ERICH5: variants seen among roughly 807,000 people sequenced by gnomAD.
ERICH5 encodes the protein glutamate rich 5, also known as glutamate-rich protein 5.
ERICH5 carries 24 observed loss-of-function variants against 28.0 expected under a neutral mutation model. The observed-to-expected ratio is 0.86, with a 90% CI of 0.62 to 1.21. The LOEUF is 1.21. Among genes scored for constraint, ERICH5 ranks in the 50% most tolerant of loss-of-function variants. ERICH5 has a pLI of 0.00. For synonymous variants in ERICH5, 163 were observed against 157.6 expected, an observed-to-expected ratio of 1.03 and a Z score of -0.25; for missense variants, 421 against 441.2, an observed-to-expected ratio of 0.95 and a Z score of 0.41.
chr8:98,092,984 C>T (rs1230667838), intron 2 of ERICH5, among the ~76,000 whole-genome samples: 1 of 152,044 alleles, frequency 6.6e-6, no homozygotes. Context: ...TTACTTTGGG[C>T]TAGGCTCCTG....
At chr8:98,092,455 C>A (rs1334518797) in intron 2 of ERICH5, among the ~76,000 whole-genome samples, 1 of 152,182 alleles carries the variant, frequency 6.6e-6, no homozygotes, top group African/African-American at 2.4e-5. Context: ...AGCCACCACG[C>A]CCAGCTGTCC....
chr8:98,080,459 A>C (rs1394592975), intron 1 of ERICH5, among the ~76,000 whole-genome samples: 2 of 152,220 alleles, frequency 1.3e-5, no homozygotes, highest in African/African-American at 4.8e-5. Context: ...GAATAAGCTG[A>C]GGGTTATGTA....
At chr8:98,067,130 C>T (rs1803130145) in intron 1 of ERICH5, among the ~76,000 whole-genome samples, 2 of 152,116 alleles carry the variant, frequency 1.3e-5, no homozygotes, top group Admixed American at 1.3e-4. Context: ...AGAATCAGAG[C>T]TGGGCTTTGA....
chr8:98,092,467 G>A lies in ERICH5; in HGVS notation c.1013-754G>A, dbSNP rs563545467. On this transcript the variant is annotated intron_variant, in intron 2 of 2. Coordinates refer to ENST00000318528, the MANE Select transcript of ERICH5 (RefSeq NM_173549.3). Reference sequence around the variant, plus strand: ...GTGAGCCACCACGCCCAGCTGTCCAGCTAATTTTTGAAAAATATTTTGTAA... The same window carrying A: ...GTGAGCCACCACGCCCAGCTGTCCAACTAATTTTTGAAAAATATTTTGTAA... Among the ~76,000 whole-genome samples the A allele has an allele frequency of 7.5e-4, 114 of 152,262 alleles. 2 individuals carry two copies. The South Asian group carries it at 0.023, about 30-fold the overall frequency.
chr8:98,088,305 C>CTCATGCAACTCTGAGA (rs1563758062), intron 1 of ERICH5, among the ~76,000 whole-genome samples: 1 of 152,140 alleles, frequency 6.6e-6, no homozygotes, highest in Admixed American at 6.5e-5. Flanking sequence ...ACTATCACGC[C>CTCATGCAACTCTGAGA]TCATGCAACT....
chr8:98,068,296 C>T (rs1814853540), intron 1 of ERICH5, among the ~76,000 whole-genome samples: 1 of 152,210 alleles, frequency 6.6e-6, no homozygotes, highest in Non-Finnish European at 1.5e-5. Context: ...CTTCCTATCA[C>T]CTCCCAAGAT....
At chr8:98,064,809 C>A in intron 1 of ERICH5, 82 bp downstream of exon 1, 1 of 1,131,152 alleles carries the variant, frequency 8.8e-7, no homozygotes, top group Non-Finnish European at 1.2e-6. Flanking sequence ...AGGGTGTGTC[C>A]CGTGGCCACC....
chr8:98,081,909 C>A (rs973872863), intron 1 of ERICH5, among the ~76,000 whole-genome samples: 2 of 148,184 alleles, frequency 1.3e-5, no homozygotes, highest in East Asian at 4.0e-4. Flanking sequence ...GCCTGGGCAA[C>A]AAGAATGAAA....
chr8:98,068,847 C>T (rs1180711698), intron 1 of ERICH5, among the ~76,000 whole-genome samples: 1 of 152,228 alleles, frequency 6.6e-6, no homozygotes, highest in African/African-American at 2.4e-5. Context: ...TTTCCACTGA[C>T]AGCTATAATC....
intron 1 of ERICH5, among the ~76,000 whole-genome samples, chr8:98,070,267 A>G (rs1420768988): frequency 6.6e-6 from 1 of 152,172 alleles, no homozygotes; most frequent in Non-Finnish European, 1.5e-5. Flanking sequence ...TCGAGCCTGT[A>G]ATCCCAGCTA....
At chr8:98,065,490 C>G (rs1310236647) in intron 1 of ERICH5, among the ~76,000 whole-genome samples, 1 of 152,160 alleles carries the variant, frequency 6.6e-6, no homozygotes, top group Non-Finnish European at 1.5e-5. Context: ...ATATAATACC[C>G]CAGTGCTTGG....
chr8:98,064,791 A>G lies in ERICH5; in HGVS notation c.58+64A>G, dbSNP rs910170844. The G allele has an allele frequency of 2.9e-6, 4 of 1,400,986 alleles. No homozygotes were observed. In the African/African-American group the frequency reaches 5.7e-5, roughly 20 times the overall value. 86.8% of individuals were successfully genotyped at this position (1,400,986 alleles called of 1,614,324 possible). On this transcript the variant is annotated intron_variant, in intron 1 of 2. Transcript: ENST00000318528. ...GACTCGGGTGGGCTAACTCCCCAGGAGGTCCAAAGGGTGTGTCCCGTGGCC... is the reference window on the plus strand; with the variant it reads ...GACTCGGGTGGGCTAACTCCCCAGGGGGTCCAAAGGGTGTGTCCCGTGGCC...
intron 1 of ERICH5, among the ~76,000 whole-genome samples, chr8:98,079,166 CTTTTT>C (rs528062932): frequency 2.4e-3 from 181 of 75,576 alleles, no homozygotes; most frequent in African/African-American, 8.4e-3. Flanking sequence ...TTTTTTTTTC[CTTTTT>C]TTTTTTTTTT....
Position 98,089,150 on chromosome 8 carries a change from G to A in ERICH5, c.133G>A (p.Gly45Arg). ...TGCCCAACCAAAGCCACATGCACTGGGAAGAGAATCTACTGTTGATGGCAA... is the reference window on the plus strand; with the variant it reads ...TGCCCAACCAAAGCCACATGCACTGAGAAGAGAATCTACTGTTGATGGCAA... ...CFAQPKPHAL[G>R]RESTVDGNVQ... Residue 45 changes from glycine to arginine, a missense_variant, in exon 2 of 3, where the codon GGA becomes AGA. Transcript: ENST00000318528. 6.2e-7 allele frequency: 1 copy of A among 1,614,200 alleles called. No individual in the cohort carries two copies. Among genetic ancestry groups the A allele is most frequent in the Non-Finnish European group, 8.5e-7 (1 of 1,180,038 alleles).
intron 1 of ERICH5, among the ~76,000 whole-genome samples, chr8:98,072,227 G>A (rs1814931471): frequency 1.3e-5 from 2 of 152,204 alleles, no homozygotes; most frequent in Admixed American, 6.5e-5. Flanking sequence ...AGCCTTTAGG[G>A]CAGCCAGGTG....
intron 1 of ERICH5, among the ~76,000 whole-genome samples, chr8:98,079,584 G>A (rs1266043407): frequency 6.6e-5 from 10 of 152,084 alleles, no homozygotes; most frequent in Admixed American, 6.6e-4. Context: ...TTGTTGCTCA[G>A]GCTGGAGTGC....
chr8:98,082,865 T>C (rs1815206838), intron 1 of ERICH5, among the ~76,000 whole-genome samples: 1 of 152,132 alleles, frequency 6.6e-6, no homozygotes, highest in Non-Finnish European at 1.5e-5. Context: ...ATTGAGACCC[T>C]GTCTCAACAA....
intron 1 of ERICH5, among the ~76,000 whole-genome samples, chr8:98,085,136 C>T (rs1398784628): frequency 7.0e-5 from 4 of 57,240 alleles, no homozygotes; most frequent in Non-Finnish European, 1.1e-4. Flanking sequence ...GTTCCACAGC[C>T]TTTTTTTTTT....
At position 98,093,215 on chromosome 8, in the gene ERICH5, T is replaced by G; in HGVS notation, c.1013-6T>G. ...CTCTTAGTATCTCCTTTGGTTACTTTTCCAGGTGAGACAGGGGAAAAGGTG... is the reference window on the plus strand; with the variant it reads ...CTCTTAGTATCTCCTTTGGTTACTTGTCCAGGTGAGACAGGGGAAAAGGTG... On this transcript the variant is annotated splice_region_variant and splice_polypyrimidine_tract_variant and intron_variant, in intron 2 of 2. Transcript: ENST00000318528. 6.2e-7 allele frequency: 1 copy of G among 1,602,870 alleles called. No individual in the cohort carries two copies. The highest frequency in any genetic ancestry group is 8.5e-7 in the Non-Finnish European group (1 of 1,171,278).
Sources: gnomAD v4.1 joint callset for allele counts (sites outside exome capture counted in the v4.1 genomes callset) on GRCh38, gnomAD v4.1.1 for gene constraint, MANE v1.5 for transcripts, NCBI Gene and HGNC (gene_info 2026-07-23, HGNC 2026-07-21) for gene names.